APC: variants seen among roughly 807,000 people sequenced by gnomAD.
APC encodes the protein APC regulator of Wnt signaling pathway.
Under a neutral mutation model 247.0 loss-of-function variants are expected in APC, and 72 were observed. The ratio of observed to expected loss-of-function variants is 0.29; its 90% CI spans 0.24 to 0.35. APC has a LOEUF of 0.35. Ranked by LOEUF, APC falls within the 10% of genes least tolerant of loss-of-function variation. The probability of loss-of-function intolerance (pLI) is 1.00; values close to 1 mark genes in which losing one functional copy is unlikely to be tolerated. For missense variants in APC, 3,400 were observed against 3,360.7 expected, an observed-to-expected ratio of 1.01 and a Z score of -0.29; for synonymous variants, 1,254 against 1,162.5, an observed-to-expected ratio of 1.08 and a Z score of -1.60.
intron 1 of APC, among the ~76,000 whole-genome samples, 154 bp downstream of exon 1, chr5:112,738,079 C>A (rs1299942494): frequency 6.6e-6 from 1 of 152,278 alleles, no homozygotes; most frequent in African/African-American, 2.4e-5. Context: ...CCCCGCCCCC[C>A]ACTGCAGCAC....
intron 8 of APC, among the ~76,000 whole-genome samples, chr5:112,806,552 C>CTTTATTTATTTATTTA (rs66460614): frequency 2.1e-5 from 3 of 145,596 alleles, no homozygotes; most frequent in Non-Finnish European, 3.0e-5. Flanking sequence ...TGGTTCTCAA[C>CTTTATTTATTTATTTA]TTTATTTATT....
At chr5:112,785,389 AT>A (rs1269129956) in intron 6 of APC, among the ~76,000 whole-genome samples, 1 of 152,318 alleles carries the variant, frequency 6.6e-6, no homozygotes, top group East Asian at 1.9e-4. Context: ...AAAGGTGGAA[AT>A]GGGGGTAGGA....
rs1554085932 is a variant in APC, at chr5:112,840,112, G to A, written c.4518G>A (p.Leu1506=). 1.9e-6 allele frequency: 3 copies of A among 1,614,022 alleles called. No individual in the cohort carries two copies. The highest frequency in any genetic ancestry group is 2.2e-5 in the East Asian group (1 of 44,892). Residue 1506 remains leucine, a synonymous_variant, in exon 16 of 16, where the codon CTG becomes CTA. Coordinates refer to ENST00000257430, the MANE Select transcript of APC (RefSeq NM_000038.6). This position sits in a 1 kb window ranked among gnomAD's most constrained non-coding sequence, Gnocchi z 4.1. The stretch of plus-strand genomic sequence containing the variant: ...ATGGATTTTCTTGTTCATCCAGCCT[G>A]AGTGCTCTGAGCCTCGATGAGCCAT... ...TPDGFSCSSS[L]SALSLDEPFI...
chr5:112,710,067 A>T (rs1202136583), intron 1 of APC, among the ~76,000 whole-genome samples: 5 of 152,084 alleles, frequency 3.3e-5, no homozygotes, highest in Non-Finnish European at 7.4e-5. Flanking sequence ...GGATCCCATG[A>T]TCATCAGCTT....
rs2149955213 is a variant in APC, at chr5:112,841,621, T to C, written c.6027T>C (p.Pro2009=). 6.2e-7 allele frequency: 1 copy of C among 1,613,440 alleles called. No individual in the cohort carries two copies. Among genetic ancestry groups the C allele is most frequent in the East Asian group, 2.2e-5 (1 of 44,884 alleles). The change falls in exon 16 of 16, where the codon CCT becomes CCC. Residue 2009 remains proline (P), a synonymous_variant. Transcript: ENST00000257430. This position sits in a 1 kb window ranked among gnomAD's most constrained non-coding sequence, Gnocchi z 4.6. ...PSKPQASGYA[P]KSFHVEDTPV... is the part of the protein sequence containing the mutation. ...AACCTCAAGCATCAGGCTATGCTCCTAAATCATTTCATGTTGAAGATACCC... is the reference window on the plus strand; with the variant it reads ...AACCTCAAGCATCAGGCTATGCTCCCAAATCATTTCATGTTGAAGATACCC...
At chr5:112,741,149 CAAAT>C (rs1752968136) in intron 1 of APC, among the ~76,000 whole-genome samples, 1 of 152,040 alleles carries the variant, frequency 6.6e-6, no homozygotes, top group Non-Finnish European at 1.5e-5. Flanking sequence ...ATGCTGGAGT[CAAAT>C]AAGACACGTA....
intron 8 of APC, 116 bp from the exon 9 acceptor site, chr5:112,815,379 T>G (rs1762390637): frequency 1.4e-6 from 1 of 717,214 alleles, no homozygotes; most frequent in South Asian, 1.5e-5. Flanking sequence ...GTCATACTTT[T>G]ATGATGTATT....
intron 2 of APC, among the ~76,000 whole-genome samples, chr5:112,764,225 G>T (rs1405802719): frequency 1.4e-5 from 2 of 144,216 alleles, no homozygotes; most frequent in Non-Finnish European, 3.0e-5. Context: ...CAGCCTGGGC[G>T]ACAGAGCGAG....
intron 1 of APC, among the ~76,000 whole-genome samples, chr5:112,731,787 A>G (rs1332784202): frequency 6.6e-6 from 1 of 152,160 alleles, no homozygotes; most frequent in East Asian, 1.9e-4. Context: ...TTTTAGACAG[A>G]GTCTTGCTCT....
intron 7 of APC, 85 bp downstream of exon 7, chr5:112,792,614 C>T (rs1580424921): frequency 4.2e-6 from 4 of 949,320 alleles, no homozygotes; most frequent in Admixed American, 3.7e-5. Flanking sequence ...TAATGTGACA[C>T]CATTGAAATA....
intron 7 of APC, among the ~76,000 whole-genome samples, chr5:112,799,091 C>G (rs1209845931): frequency 1.3e-5 from 2 of 151,200 alleles, no homozygotes; most frequent in African/African-American, 2.4e-5. Flanking sequence ...CGCCTGTAAT[C>G]CCAGCTACTT....
Position 112,716,595 on chromosome 5 carries a change from A to G in APC, c.165+8713A>G, listed in dbSNP as rs147138260. On this transcript the variant is annotated intron_variant, in intron 1 of 13. Coordinates refer to the APC transcript ENST00000507379. Reference sequence around the variant, plus strand: ...TAATCCTGCATTTCAAATCTTAAGTATCGTAGGTGATCTTTTGTTTGCTCA... The same window carrying G: ...TAATCCTGCATTTCAAATCTTAAGTGTCGTAGGTGATCTTTTGTTTGCTCA... Among the ~76,000 whole-genome samples the G allele has an allele frequency of 1.7e-3, 257 of 152,202 alleles. 3 individuals are homozygous for G. The East Asian group carries it at 0.045, about 27-fold the overall frequency.
At chr5:112,796,126 A>G (rs1760190519) in intron 7 of APC, among the ~76,000 whole-genome samples, 3 of 152,204 alleles carry the variant, frequency 2.0e-5, no homozygotes, top group Admixed American at 2.0e-4. Flanking sequence ...AACTCCATGG[A>G]CAACAGGAAG....
At chr5:112,819,997 G>T (rs181250467) in intron 10 of APC, among the ~76,000 whole-genome samples, 3 of 152,236 alleles carry the variant, frequency 2.0e-5, no homozygotes, top group African/African-American at 7.2e-5. Flanking sequence ...GTGGGCCTCA[G>T]TTGCTGGGAG....
At chr5:112,794,827 G>A (rs998641599) in intron 7 of APC, among the ~76,000 whole-genome samples, 1 of 152,146 alleles carries the variant, frequency 6.6e-6, no homozygotes, top group East Asian at 1.9e-4. Context: ...TAATTCATTA[G>A]AATGGCTCAC....
At chr5:112,719,995 C>T (rs1296060968) in intron 1 of APC, among the ~76,000 whole-genome samples, 3 of 152,174 alleles carry the variant, frequency 2.0e-5, no homozygotes, top group Middle Eastern at 3.4e-3. Flanking sequence ...GTACAATTTG[C>T]GTTTGAATTC....
intron 1 of APC, among the ~76,000 whole-genome samples, chr5:112,726,235 A>C (rs1028746129): frequency 3.2e-4 from 49 of 152,326 alleles, no homozygotes; most frequent in African/African-American, 9.6e-4. Context: ...CCTGGTACCC[A>C]GGTCCTTGTC....
rs1472762403 is a variant in APC at position 112,845,906 on chromosome 5, A to G, written c.*1780A>G. 3 of 232,182 alleles carry G rather than the reference A, an allele frequency of 1.3e-5. No homozygotes were observed. Among genetic ancestry groups the G allele is most frequent in the African/African-American group, 6.6e-5 (3 of 45,302 alleles). 14.4% of individuals were successfully genotyped at this position (232,182 alleles called of 1,614,324 possible). On this transcript the variant is annotated 3_prime_UTR_variant, in exon 16 of 16. Coordinates refer to ENST00000257430, the MANE Select transcript of APC (RefSeq NM_000038.6). The stretch of plus-strand genomic sequence containing the variant: ...AAAACCTTTTTAAGCATGGTGGGGC[A>G]CTCAGATAGGAGTGAATACACCTAC...
At chr5:112,711,241 A>G (rs1278627330) in intron 1 of APC, among the ~76,000 whole-genome samples, 1 of 152,236 alleles carries the variant, frequency 6.6e-6, no homozygotes, top group Non-Finnish European at 1.5e-5. Flanking sequence ...TTTGAACTGC[A>G]CATGCAAGGG....
Sources: gnomAD v4.1 joint callset for allele counts (sites outside exome capture counted in the v4.1 genomes callset) on GRCh38, gnomAD v4.1.1 for gene constraint, Gnocchi (gnomAD v3.1) non-coding constraint, MANE v1.5 for transcripts, NCBI Gene and HGNC (gene_info 2026-07-23, HGNC 2026-07-21) for gene names.